The following GALNT17 variants were observed in gnomAD, a reference collection of about 807,000 sequenced individuals.
GALNT17 encodes polypeptide N-acetylgalactosaminyltransferase 17, also known as UDP-GalNAc:polypeptide N-acetylgalactosaminyltransferase-like 3.
In GALNT17, 29 loss-of-function variants were observed where a neutral mutation model predicts 63.7. The ratio of observed to expected loss-of-function variants is 0.46; its 90% CI spans 0.34 to 0.62. The LOEUF is 0.62. Among genes scored for constraint, GALNT17 ranks in the 20% least tolerant of loss-of-function variants. GALNT17 has a pLI of 0.01. For synonymous variants in GALNT17, 305 were observed against 318.3 expected, an observed-to-expected ratio of 0.96 and a Z score of 0.45; for missense variants, 603 against 799.6, an observed-to-expected ratio of 0.75 and a Z score of 2.97.
At chr7:71,135,263 C>A (rs12699001) in intron 1 of GALNT17, among the ~76,000 whole-genome samples, 22,772 of 152,154 alleles carry the variant, frequency 0.15, 2,017 homozygotes, top group African/African-American at 0.24. Context: ...TGCTGTGTGC[C>A]AGATGTGTGC....
chr7:71,436,583 G>A (rs114655197), intron 5 of GALNT17, among the ~76,000 whole-genome samples: 150 of 151,938 alleles, frequency 9.9e-4, no homozygotes, highest in African/African-American at 3.4e-3. Flanking sequence ...GTCAGGGATC[G>A]TGGCGGGCGC....
chr7:71,354,401 T>A (rs1447914583), intron 2 of GALNT17, among the ~76,000 whole-genome samples: 1 of 152,226 alleles, frequency 6.6e-6, no homozygotes, highest in Non-Finnish European at 1.5e-5. Context: ...TCATTAGTTT[T>A]AATGATCTTG....
At chr7:71,653,413 CTT>C (rs34997969) in intron 6 of GALNT17, among the ~76,000 whole-genome samples, 46,558 of 146,950 alleles carry the variant, frequency 0.32, 7,987 homozygotes, top group Non-Finnish European at 0.39. Context: ...AAAAGTAGGA[CTT>C]TTTTTTTTTT....
chr7:71,269,167 C>G (rs1007481766), intron 1 of GALNT17, among the ~76,000 whole-genome samples: 1 of 152,110 alleles, frequency 6.6e-6, no homozygotes, highest in Non-Finnish European at 1.5e-5. Flanking sequence ...ACCAGGCAAG[C>G]GTTTAAGCCT....
intron 1 of GALNT17, among the ~76,000 whole-genome samples, chr7:71,201,325 C>G (rs1789167543): frequency 6.7e-6 from 1 of 150,268 alleles, no homozygotes; most frequent in Non-Finnish European, 1.5e-5. Context: ...TATTGGCTTT[C>G]TTTTCATGTG....
At position 71,385,037 on chromosome 7, in the gene GALNT17, G is replaced by A. The variant is rs560668300; in HGVS notation, c.423-3198G>A. ...TCATATCCCAGAACTCTGGGTGATT[G>A]GGGTGGGGCAGTGCATGGTGATTGG... On this transcript the variant is annotated intron_variant, in intron 2 of 10. Coordinates refer to ENST00000333538, the MANE Select transcript of GALNT17 (RefSeq NM_022479.3). 3.3e-5 allele frequency among the ~76,000 whole-genome samples: 5 copies of A among 152,302 alleles called. No individual in the cohort carries two copies. In the East Asian group the frequency reaches 9.7e-4, roughly 29 times the overall value.
chr7:71,457,933 A>T (rs1251075304), intron 5 of GALNT17, among the ~76,000 whole-genome samples: 1 of 152,140 alleles, frequency 6.6e-6, no homozygotes, highest in Non-Finnish European at 1.5e-5. Flanking sequence ...ACATTTTTAC[A>T]CATTTTATCC....
At chr7:71,347,453 T>C (rs1473399941) in intron 2 of GALNT17, among the ~76,000 whole-genome samples, 1 of 152,146 alleles carries the variant, frequency 6.6e-6, no homozygotes, top group Non-Finnish European at 1.5e-5. Context: ...CACAATAATA[T>C]ACCTATACAT....
intron 1 of GALNT17, among the ~76,000 whole-genome samples, chr7:71,163,587 C>T (rs1788386502): frequency 6.6e-6 from 1 of 152,138 alleles, no homozygotes; most frequent in African/African-American, 2.4e-5. Context: ...GTCTTGGAAC[C>T]GTTTCTTCTA....
intron 1 of GALNT17, among the ~76,000 whole-genome samples, chr7:71,151,811 C>T (rs747356689): frequency 6.6e-6 from 1 of 151,964 alleles, no homozygotes; most frequent in Non-Finnish European, 1.5e-5. Context: ...TATGCATTGT[C>T]TTTGTTACAG....
chr7:71,567,370 A>G (rs1343314236), intron 5 of GALNT17, among the ~76,000 whole-genome samples: 3 of 152,230 alleles, frequency 2.0e-5, no homozygotes, highest in African/African-American at 4.8e-5. Flanking sequence ...AAGAAGGTGA[A>G]GGCGCATTAC....
intron 9 of GALNT17, among the ~76,000 whole-genome samples, chr7:71,679,231 C>A (rs1791199120): frequency 6.6e-6 from 1 of 151,856 alleles, no homozygotes. Flanking sequence ...GGTAACATAA[C>A]AAGACCCCCG....
chr7:71,535,262 G>A (rs1788785672), intron 5 of GALNT17, among the ~76,000 whole-genome samples: 1 of 152,186 alleles, frequency 6.6e-6, no homozygotes, highest in African/African-American at 2.4e-5. Flanking sequence ...GCAATAGGTT[G>A]CCTGAATCCA....
rs779639712 is a variant in GALNT17 at position 71,566,143 on chromosome 7, G to A, written c.963-5142G>A. ...GCCCACCTTGGCCTCCCAAAGTGCC[G>A]GGATTACACGCATGAGCCACACCAC... On this transcript the variant is annotated intron_variant, in intron 5 of 10. Coordinates refer to ENST00000333538, the MANE Select transcript of GALNT17 (RefSeq NM_022479.3). Among the ~76,000 whole-genome samples the A allele has an allele frequency of 4.6e-5, 7 of 152,076 alleles. 1 individual carries two copies. The highest frequency in any genetic ancestry group is 2.1e-4 in the South Asian group (1 of 4,812).
At chr7:71,268,677 T>C (rs1463290759) in intron 1 of GALNT17, among the ~76,000 whole-genome samples, 2 of 152,148 alleles carry the variant, frequency 1.3e-5, no homozygotes, top group Non-Finnish European at 2.9e-5. Flanking sequence ...GTGGCACTCA[T>C]AGGTCCATCT....
chr7:71,460,258 C>T (rs1474634558), intron 5 of GALNT17, among the ~76,000 whole-genome samples: 1 of 152,126 alleles, frequency 6.6e-6, no homozygotes. Flanking sequence ...ATGAAATAGA[C>T]AAGGATGGCA....
At chr7:71,637,021 A>G (rs541932057) in intron 6 of GALNT17, among the ~76,000 whole-genome samples, 1 of 152,118 alleles carries the variant, frequency 6.6e-6, no homozygotes, top group South Asian at 2.1e-4. Context: ...TTTTTCTTTA[A>G]CTCTCTGTGC....
intron 9 of GALNT17, among the ~76,000 whole-genome samples, chr7:71,686,814 C>G (rs908547374): frequency 6.6e-6 from 1 of 152,158 alleles, no homozygotes; most frequent in Non-Finnish European, 1.5e-5. Context: ...TCTGATGCAG[C>G]TTTGTCCCCG....
At chr7:71,154,057 G>A (rs12667312) in intron 1 of GALNT17, among the ~76,000 whole-genome samples, 3,798 of 152,170 alleles carry the variant, frequency 0.025, 128 homozygotes, top group East Asian at 0.12. Flanking sequence ...TCTAGTGATC[G>A]AATTCAGTGG....
Sources: gnomAD v4.1 joint callset for allele counts (sites outside exome capture counted in the v4.1 genomes callset) on GRCh38, gnomAD v4.1.1 for gene constraint, MANE v1.5 for transcripts, NCBI Gene and HGNC (gene_info 2026-07-23, HGNC 2026-07-21) for gene names.